Variants in ART3 observed in about 807,000 individuals in gnomAD.
ART3 encodes the protein ADP-ribosyltransferase 3 (inactive), also known as ecto-ADP-ribosyltransferase 3.
Under a neutral mutation model 48.5 loss-of-function variants are expected in ART3, and 49 were observed. The observed-to-expected ratio is 1.01, with a 90% CI of 0.80 to 1.28. ART3 has a LOEUF of 1.28. Among genes scored for constraint, ART3 ranks in the 50% most tolerant of loss-of-function variants. The pLI is 0.00. For missense variants in ART3, 438 were observed against 454.3 expected (o/e 0.96, Z 0.33); for synonymous variants, 145 against 157.2 (o/e 0.92, Z 0.58).
intron 8 of ART3, among the ~76,000 whole-genome samples, chr4:76,101,608 C>T (rs60337837): frequency 3.3e-5 from 5 of 151,950 alleles, no homozygotes; most frequent in Admixed American, 1.3e-4. Flanking sequence ...AAAAATTAGC[C>T]GGGCATGGTG....
At chr4:76,063,896 A>AT (rs1163283623) in intron 1 of ART3, among the ~76,000 whole-genome samples, 1 of 152,228 alleles carries the variant, frequency 6.6e-6, no homozygotes, top group Non-Finnish European at 1.5e-5. Flanking sequence ...TCAGATTCAC[A>AT]TTTCAAAAAT....
intron 1 of ART3, among the ~76,000 whole-genome samples, chr4:76,016,454 T>C (rs1425336219): frequency 6.6e-6 from 1 of 152,060 alleles, no homozygotes; most frequent in East Asian, 1.9e-4. Context: ...CTGCTTGGGG[T>C]TGGGGGTGGG....
intron 1 of ART3, chr4:76,035,042 C>T (rs1734228371): frequency 6.2e-7 from 1 of 1,608,636 alleles, no homozygotes; most frequent in South Asian, 1.1e-5. Flanking sequence ...AATTTGGTAA[C>T]TTACTTTGAT....
chr4:76,040,450 A>ACACACGCG (rs1560589901), intron 1 of ART3, among the ~76,000 whole-genome samples: 1 of 146,134 alleles, frequency 6.8e-6, no homozygotes, highest in African/African-American at 2.6e-5. Context: ...ACACACACAC[A>ACACACGCG]CACACACACA....
At chr4:76,063,658 A>G (rs972340002) in intron 1 of ART3, among the ~76,000 whole-genome samples, 1 of 152,180 alleles carries the variant, frequency 6.6e-6, no homozygotes, top group African/African-American at 2.4e-5. Flanking sequence ...GTAGTCATGT[A>G]TTTATATATC....
intron 1 of ART3, among the ~76,000 whole-genome samples, chr4:76,050,152 A>G (rs1735915000): frequency 6.6e-6 from 1 of 152,070 alleles, no homozygotes; most frequent in Non-Finnish European, 1.5e-5. Flanking sequence ...GATTTATTGC[A>G]AAGAGTGAAA....
chr4:76,106,580 T>C (rs925786338), intron 10 of ART3, among the ~76,000 whole-genome samples: 2 of 152,160 alleles, frequency 1.3e-5, no homozygotes, highest in Non-Finnish European at 2.9e-5. Flanking sequence ...TCTGTTCCCA[T>C]ACATCATTCT....
intron 1 of ART3, among the ~76,000 whole-genome samples, chr4:76,066,958 G>A (rs934903690): frequency 6.6e-6 from 1 of 152,154 alleles, no homozygotes; most frequent in African/African-American, 2.4e-5. Flanking sequence ...AGAGTGCAGG[G>A]ATACCTGAGT....
intron 1 of ART3, among the ~76,000 whole-genome samples, chr4:76,046,904 C>T (rs953105700): frequency 3.3e-5 from 5 of 151,860 alleles, no homozygotes; most frequent in African/African-American, 1.2e-4. Context: ...GGAGATTAAC[C>T]CTGAGAAGGC....
intron 1 of ART3, among the ~76,000 whole-genome samples, chr4:76,017,246 G>T: frequency 6.7e-6 from 1 of 150,266 alleles, no homozygotes; most frequent in East Asian, 2.0e-4. Flanking sequence ...CTGGGTATTG[G>T]CTGCTGGTTA....
chr4:76,015,354 G>T (rs1035582275), intron 1 of ART3, among the ~76,000 whole-genome samples: 1 of 152,078 alleles, frequency 6.6e-6, no homozygotes, highest in East Asian at 1.9e-4. Flanking sequence ...TTCAAACTAG[G>T]ATGTTACAAG....
intron 1 of ART3, among the ~76,000 whole-genome samples, chr4:76,053,555 T>G (rs1397082485): frequency 6.6e-6 from 1 of 152,242 alleles, no homozygotes; most frequent in African/African-American, 2.4e-5. Context: ...GTTAATTTTA[T>G]TAGGGTATAA....
intron 3 of ART3, among the ~76,000 whole-genome samples, chr4:76,092,484 C>CA (rs1287063266): frequency 7.2e-5 from 11 of 152,200 alleles, no homozygotes; most frequent in African/African-American, 2.4e-4. Flanking sequence ...TTGCTTCTGA[C>CA]AAAAAAATCT....
chr4:76,089,015 A>G (rs1341580236), intron 3 of ART3, among the ~76,000 whole-genome samples: 1 of 152,216 alleles, frequency 6.6e-6, no homozygotes, highest in African/African-American at 2.4e-5. Flanking sequence ...GCATTTATCA[A>G]TACCCCAAAT....
At chr4:76,053,634 G>T (rs1402245436) in intron 1 of ART3, among the ~76,000 whole-genome samples, 2 of 152,150 alleles carry the variant, frequency 1.3e-5, no homozygotes, top group South Asian at 2.1e-4. Flanking sequence ...AAGAATATGG[G>T]TTTAAAACCA....
At chr4:76,035,835 T>G in intron 1 of ART3, 4 of 1,169,546 alleles carry the variant, frequency 3.4e-6, no homozygotes, top group South Asian at 2.7e-5. Context: ...AAATAAAACT[T>G]TATCATGTCT....
At chr4:76,051,970 G>A (rs1270843840) in intron 1 of ART3, among the ~76,000 whole-genome samples, 3 of 144,734 alleles carry the variant, frequency 2.1e-5, no homozygotes, top group Non-Finnish European at 3.0e-5. Flanking sequence ...GTGCAATGGC[G>A]CAATCTCAGC....
rs201469335 is a variant in ART3, at chr4:76,098,944, C to A, written c.815-11C>A. The A allele has an allele frequency of 3.9e-5, 62 of 1,600,202 alleles. No individual in the cohort carries two copies. Among genetic ancestry groups the A allele is most frequent in the Non-Finnish European group, 5.1e-5 (60 of 1,167,604 alleles). ...ATAGTACCATGTAATGAAAACATGT[C>A]TGTATTTCAGAATATTTTCAACCCA... is the stretch of plus-strand genomic sequence containing the variant. On this transcript the variant is annotated splice_polypyrimidine_tract_variant and intron_variant, in intron 4 of 11. Transcript: ENST00000355810.
chr4:76,045,134 C>G (rs1253734382), intron 1 of ART3, among the ~76,000 whole-genome samples: 2 of 152,032 alleles, frequency 1.3e-5, no homozygotes, highest in Non-Finnish European at 2.9e-5. Context: ...GCGTAACCTG[C>G]CCTTCGTATC....
Sources: allele counts gnomAD v4.1 joint callset (sites outside exome capture counted in the v4.1 genomes callset), GRCh38; gene constraint gnomAD v4.1.1; transcripts MANE v1.5; gene names NCBI Gene and HGNC (gene_info 2026-07-23, HGNC 2026-07-21).